Variants in TTN observed in about 807,000 individuals in gnomAD.
The protein encoded by TTN is titin, also known as connectin.
Under a neutral mutation model 3,223.0 loss-of-function variants are expected in TTN, and 1,525 were observed. The observed-to-expected ratio is 0.47, with a 90% CI of 0.45 to 0.49. The LOEUF (loss-of-function observed/expected upper bound fraction) is 0.49. Ranked by LOEUF, TTN falls within the 20% of genes least tolerant of loss-of-function variation. The pLI, the probability that TTN is intolerant of heterozygous loss-of-function variation, is 0.00. For synonymous variants in TTN, 14,094 were observed against 15,161.0 expected (o/e 0.93, Z 5.17); for missense variants, 40,786 against 43,424.0 (o/e 0.94, Z 5.40).
intron 356 of TTN, 170 bp downstream of exon 356, chr2:178,536,768 A>G (rs910571418): frequency 2.5e-6 from 2 of 807,572 alleles, no homozygotes; most frequent in South Asian, 4.5e-5. Flanking sequence ...GGGTTAGGAT[A>G]TATATTTCTC....
At chr2:178,687,582 C>T (rs1405426250) in intron 127 of TTN, among the ~76,000 whole-genome samples, 2 of 152,064 alleles carry the variant, frequency 1.3e-5, no homozygotes, top group South Asian at 2.1e-4. Context: ...TTTTCTTGCT[C>T]ATTTTAAAAC....
At chr2:178,760,696 GA>G (rs2088856782) in intron 43 of TTN, among the ~76,000 whole-genome samples, 1 of 152,132 alleles carries the variant, frequency 6.6e-6, no homozygotes, top group Non-Finnish European at 1.5e-5. Flanking sequence ...AACACACATG[GA>G]AGGGCTTTAT....
At chr2:178,709,471 AACTT>A (rs1285362264) in intron 99 of TTN, 91 bp downstream of exon 99, 1 of 1,284,424 alleles carries the variant, frequency 7.8e-7, no homozygotes, top group African/African-American at 1.5e-5. Context: ...TATTTGTTAT[AACTT>A]ACTTGGTCAA....
chr2:178,764,463 G>T (rs2089997070), intron 42 of TTN, 64 bp downstream of exon 42: 2 of 1,612,368 alleles, frequency 1.2e-6, no homozygotes, highest in Non-Finnish European at 1.7e-6. Flanking sequence ...TAAATGCACT[G>T]GGAAAGGACA....
At position 178,719,373 on chromosome 2, in the gene TTN, C is replaced by T. The variant is rs764282358; in HGVS notation, c.24017G>A (p.Cys8006Tyr). The change falls in exon 83 of 363, where the codon TGC (cysteine) becomes TAC (tyrosine). Residue 8006 changes from cysteine to tyrosine, a missense_variant. Cys to Tyr is a radical substitution (Grantham distance 194, BLOSUM62 -2). Transcript: ENST00000589042. ...AILGASVVLE[C>Y]RVSGSAPISV... ...AATCGGGGCTGAGCCAGAGACTCGG[C>T]ACTCCAAAACAACTGAGGCCCCCAG... 8.1e-6 allele frequency: 13 copies of T among 1,613,750 alleles called. No individual in the cohort carries two copies. The highest frequency in any genetic ancestry group is 1.1e-5 in the Non-Finnish European group (13 of 1,179,740).
chr2:178,783,707 C>T lies in TTN; in HGVS notation c.2841+13G>A. On this transcript the variant is annotated intron_variant, in intron 17 of 362. Transcript: ENST00000589042. ...TATGAATAGGGTCCAGCATTATCAA[C>T]TTCTTTACTCACCGAGACCAAAGTT... 1 of 1,609,298 alleles carries T rather than the reference C, an allele frequency of 6.2e-7. No individual in the cohort carries two copies. Among genetic ancestry groups the T allele is most frequent in the Non-Finnish European group, 8.5e-7 (1 of 1,176,214 alleles).
At position 178,651,888 on chromosome 2, in the gene TTN, T is replaced by C. The variant is rs566794300; in HGVS notation, c.39375A>G (p.Pro13125=). ...AGCAGCTTTCTTGCCATGTACCTTGTGGAGGCGCCGCTGGCTCTGGCTCTT... is the reference window on the plus strand; with the variant it reads ...AGCAGCTTTCTTGCCATGTACCTTGCGGAGGCGCCGCTGGCTCTGGCTCTT... The part of the protein sequence containing the change: ...VVEEPEPAAP[P]QVTVPPKKPV... Residue 13125 remains proline, a synonymous_variant, in exon 205 of 363, where the codon CCA becomes CCG. Coordinates refer to ENST00000589042, the MANE Select transcript of TTN (RefSeq NM_001267550.2). 7 of 1,606,814 alleles carry C rather than the reference T, an allele frequency of 4.4e-6. No individual in the cohort carries two copies. The East Asian group carries it at 1.6e-4, about 36-fold the overall frequency.
rs1246439715 is a variant in TTN, at chr2:178,569,475, C to T, written c.76657G>A (p.Asp25553Asn). ...KWGKVDGEIRDAAIIDVTSSF... is the reference protein window; with the variant it reads ...KWGKVDGEIRNAAIIDVTSSF... Reference sequence around the variant, plus strand: ...CTAGTGACATCAATTATAGCTGCATCTCGGATTTCACCATCCACCTTTCCC... The same window carrying T: ...CTAGTGACATCAATTATAGCTGCATTTCGGATTTCACCATCCACCTTTCCC... Residue 25553 changes from aspartate to asparagine, a missense_variant, in exon 326 of 363, where the codon GAT (aspartate) becomes AAT (asparagine). Asp to Asn is a conservative substitution (Grantham distance 23, BLOSUM62 1). Coordinates refer to ENST00000589042, the MANE Select transcript of TTN (RefSeq NM_001267550.2). The T allele has an allele frequency of 6.2e-7, 1 of 1,612,766 alleles. No individual in the cohort carries two copies. Among genetic ancestry groups the T allele is most frequent in the East Asian group, 2.2e-5 (1 of 44,714 alleles).
intron 112 of TTN, among the ~76,000 whole-genome samples, chr2:178,697,981 G>C (rs1464415576): frequency 6.6e-6 from 1 of 152,070 alleles, no homozygotes; most frequent in Non-Finnish European, 1.5e-5. Context: ...CCAAGTTATG[G>C]AAACACCCTA....
rs745337457 is a variant in TTN at position 178,582,576 on chromosome 2, T to G, written c.65880A>C (p.Pro21960=). 3.1e-6 allele frequency: 5 copies of G among 1,608,716 alleles called. No individual in the cohort carries two copies. The change falls in exon 314 of 363, where the codon CCA becomes CCC. Residue 21960 remains proline, a synonymous_variant. Coordinates refer to ENST00000589042, the MANE Select transcript of TTN (RefSeq NM_001267550.2). ...ACATTTTGTTGATTTTAACAGATGC[T>G]GGAGGACCCGGTTTATCTGAAGGAA... ...KLKVLDKPGP[P]ASVKINKMYS... is the part of the protein sequence containing the mutation.
At position 178,725,436 on chromosome 2, in the gene TTN, C is replaced by T. The variant is rs753447017; in HGVS notation, c.20768G>A (p.Gly6923Glu). The T allele has an allele frequency of 6.2e-7, 1 of 1,612,006 alleles. No homozygotes were observed. Among genetic ancestry groups the T allele is most frequent in the African/African-American group, 1.3e-5 (1 of 74,870 alleles). Reference protein sequence around the residue: ...QFAKAEPANAGKYICQIKNDG... With the variant: ...QFAKAEPANAEKYICQIKNDG... ...ATTCTTGATTTGGCAGATATACTTT[C>T]CAGCATTAGCTGGCTCTGCTTTTGC... Residue 6923 changes from glycine to glutamate, a missense_variant, in exon 71 of 363, where the codon GGA becomes GAA. Coordinates refer to ENST00000589042, the MANE Select transcript of TTN (RefSeq NM_001267550.2).
intron 240 of TTN, among the ~76,000 whole-genome samples, chr2:178,625,713 A>G (rs1362103566): frequency 6.6e-6 from 1 of 152,048 alleles, no homozygotes; most frequent in Non-Finnish European, 1.5e-5. Context: ...ACTATAAATC[A>G]TGCTGCTGTA....
rs1705575495 is a variant in TTN at position 178,565,744 on chromosome 2, A to G, written c.80388T>C (p.Ser26796=). The change falls in exon 326 of 363, where the codon AGT becomes AGC. Residue 26796 remains serine (S), a synonymous_variant. Transcript: ENST00000589042. ...CAGGTTTCTCCCACATAAGTGATGCACTGGTCTGGGACACATCAGTGAGTG... is the reference window on the plus strand; with the variant it reads ...CAGGTTTCTCCCACATAAGTGATGCGCTGGTCTGGGACACATCAGTGAGTG... ...KVTLTDVSQT[S]ASLMWEKPEH... 1.2e-6 allele frequency: 2 copies of G among 1,613,458 alleles called. No individual in the cohort carries two copies. Among genetic ancestry groups the G allele is most frequent in the Non-Finnish European group, 1.7e-6 (2 of 1,179,612 alleles).
Position 178,727,693 on chromosome 2 carries a change from T to C in TTN, c.19885A>G (p.Ser6629Gly), listed in dbSNP as rs1484625101. ...TCCACTGAGTAGAGATTTAAGAAGC[T>C]AGTCGACCCTTCCAAGCCAATGAAA... ...KCFIGLEGST[S>G]FLNLYSVDAS... is the part of the protein sequence containing the mutation. The change falls in exon 68 of 363, where the codon AGC becomes GGC. Residue 6629 changes from serine to glycine, a missense_variant. Ser to Gly is a moderately conservative substitution (Grantham distance 56, BLOSUM62 0). Coordinates refer to ENST00000589042, the MANE Select transcript of TTN (RefSeq NM_001267550.2). The C allele has an allele frequency of 6.2e-7, 1 of 1,613,298 alleles. No homozygotes were observed. Among genetic ancestry groups the C allele is most frequent in the Admixed American group, 1.7e-5 (1 of 59,994 alleles).
chr2:178,592,432 G>C lies in TTN; in HGVS notation c.59573C>G (p.Thr19858Arg), dbSNP rs757911359. The change falls in exon 301 of 363, where the codon ACA (threonine) becomes AGA (arginine). Residue 19858 changes from threonine to arginine, a missense_variant. Physicochemically the swap from Thr to Arg is moderately conservative, Grantham distance 71. Transcript: ENST00000589042. ...AHEDGGIYSL[T>R]VENPAGSKTV... ...TTTTGAACCAGCTGGATTCTCCACT[G>C]TTAAAGAATAAATTCCACCATCTTC... The C allele has an allele frequency of 1.9e-6, 3 of 1,613,320 alleles. No homozygotes were observed. The highest frequency in any genetic ancestry group is 2.7e-5 in the African/African-American group (2 of 74,894).
At position 178,704,121 on chromosome 2, in the gene TTN, C is replaced by G. The variant is rs763939702; in HGVS notation, c.30223+26G>C. On this transcript the variant is annotated intron_variant, in intron 106 of 362. Transcript: ENST00000589042. ...TTGCCATTGACCTATGCTGTACCCA[C>G]AAGGACTCCATAGTGTTTCACGCAC... The G allele has an allele frequency of 8.7e-6, 14 of 1,609,706 alleles. No homozygotes were observed. In the Admixed American group the frequency reaches 2.3e-4, roughly 27 times the overall value.
Position 178,727,816 on chromosome 2 carries a change from C to G in TTN, c.19762G>C (p.Asp6588His). The G allele has an allele frequency of 6.2e-6, 10 of 1,611,316 alleles. No homozygotes were observed. Among genetic ancestry groups the G allele is most frequent in the Non-Finnish European group, 8.5e-6 (10 of 1,178,462 alleles). Reference protein sequence around the residue: ...VKPGRQQAIPDSTVEFKAILK... With the variant: ...VKPGRQQAIPHSTVEFKAILK... ...ATTGCCTTAAATTCCACTGTAGAAT[C>G]AGGTATGGCTTGCTGTCGCCCAGGT... Residue 6588 changes from aspartate to histidine, a missense_variant, in exon 68 of 363, where the codon GAT (aspartate) becomes CAT (histidine). Coordinates refer to ENST00000589042, the MANE Select transcript of TTN (RefSeq NM_001267550.2).
rs777115735 is a variant in TTN, at chr2:178,586,704, A to G, written c.64197T>C (p.Asp21399=). ...CTTCTCTGTAACTAGTGATGTAGCC[A>G]TCGATTTTAGCACCTCCATCACGTA... ...PPLRDGGAKI[D]GYITSYREEE... The change falls in exon 308 of 363, where the codon GAT becomes GAC. Residue 21399 remains aspartate, a synonymous_variant. Coordinates refer to ENST00000589042, the MANE Select transcript of TTN (RefSeq NM_001267550.2). 2.5e-6 allele frequency: 4 copies of G among 1,613,134 alleles called. No individual in the cohort carries two copies. Among genetic ancestry groups the G allele is most frequent in the Non-Finnish European group, 3.4e-6 (4 of 1,179,374 alleles).
chr2:178,630,497 CTTTT>C, intron 238 of TTN, 130 bp from the exon 239 acceptor site: 1 of 1,235,454 alleles, frequency 8.1e-7, no homozygotes, highest in Non-Finnish European at 1.1e-6. Context: ...ACTTTGAGCT[CTTTT>C]TTTAGGAAGT....
Sources: allele counts gnomAD v4.1 joint callset (sites outside exome capture counted in the v4.1 genomes callset), GRCh38; gene constraint gnomAD v4.1.1; transcripts MANE v1.5; gene names NCBI Gene and HGNC (gene_info 2026-07-23, HGNC 2026-07-21).